Variants in ZNF331 observed in about 807,000 individuals in gnomAD.
ZNF331 encodes C2H2-like zinc finger protein rearranged in thyroid adenomas.
Under a neutral mutation model 7.0 loss-of-function variants are expected in ZNF331, and 2 were observed. The ratio of observed to expected loss-of-function variants is 0.29; its 90% CI spans 0.12 to 0.90. ZNF331 has a LOEUF of 0.90. ZNF331 is among the 40% of genes least tolerant of loss of function. The pLI, the probability that ZNF331 is intolerant of heterozygous loss-of-function variation, is 0.58. For missense variants in ZNF331, 432 were observed against 587.7 expected, an observed-to-expected ratio of 0.74 and a Z score of 2.74; for synonymous variants, 196 against 205.4, an observed-to-expected ratio of 0.95 and a Z score of 0.39.
At chr19:53,548,374 G>A (rs1205809627) in intron 2 of ZNF331, among the ~76,000 whole-genome samples, 2 of 152,066 alleles carry the variant, frequency 1.3e-5, no homozygotes, top group Non-Finnish European at 2.9e-5. Flanking sequence ...GCCTCCCAAA[G>A]TGCTGGGATT....
chr19:53,549,709 AT>A lies in ZNF331; in HGVS notation c.-137-6127del, dbSNP rs1312531314. On this transcript the variant is annotated intron_variant, in intron 2 of 5. Coordinates refer to ENST00000449416, the MANE Select transcript of ZNF331 (RefSeq NM_001079906.2). The stretch of plus-strand genomic sequence containing the variant: ...ACTCTGTCTCAAAAAAAAAAAAAAA[AT>A]TTTTTTTTAAAAATCTTTTCATATT... 1.8e-3 allele frequency among the ~76,000 whole-genome samples: 200 copies of A among 112,886 alleles called. 2 individuals are homozygous for A. The highest frequency in any genetic ancestry group is 6.8e-3 in the African/African-American group (186 of 27,426). The allele number at this position is 112,886 out of a possible 152,430, so 74.1% of individuals were successfully genotyped here.
At chr19:53,534,888 A>G (rs1307998867), upstream of ZNF331, among the ~76,000 whole-genome samples, 3 of 152,050 alleles carry the variant, frequency 2.0e-5, no homozygotes, top group African/African-American at 4.8e-5. Context: ...CTGTCCATCA[A>G]ACTTTCCTGA....
chr19:53,548,265 G>A lies in ZNF331; in HGVS notation c.-137-7580G>A, dbSNP rs567858913. On this transcript the variant is annotated intron_variant, in intron 2 of 5. Transcript: ENST00000449416. The stretch of plus-strand genomic sequence containing the variant: ...TGGGATTACAGGCGCGTGCCACCAC[G>A]CCCGGCTAATTTTTTTTTTGTATTT... 1.3e-3 allele frequency among the ~76,000 whole-genome samples: 204 copies of A among 152,008 alleles called. 1 individual carries two copies. The highest frequency in any genetic ancestry group is 0.01 in the Middle Eastern group (3 of 294).
Position 53,577,292 on chromosome 19 carries a change from A to G in ZNF331, c.732A>G (p.Glu244=), listed in dbSNP as rs762824628. 2 of 1,614,084 alleles carry G rather than the reference A, an allele frequency of 1.2e-6. No homozygotes were observed. Among genetic ancestry groups the G allele is most frequent in the Non-Finnish European group, 1.7e-6 (2 of 1,180,004 alleles). The stretch of plus-strand genomic sequence containing the variant: ...TCCACACTGGGGAGAAAGACTACGA[A>G]TGCAAAGACTGTGGGAAGACCTTTA... ...QRFHTGEKDY[E]CKDCGKTFSR... The change falls in exon 6 of 6, where the codon GAA becomes GAG. Residue 244 remains glutamate, a synonymous_variant. Coordinates refer to ENST00000449416, the MANE Select transcript of ZNF331 (RefSeq NM_001079906.2).
intron 2 of ZNF331, among the ~76,000 whole-genome samples, chr19:53,540,223 C>G (rs1039078639): frequency 6.6e-6 from 1 of 152,132 alleles, no homozygotes; most frequent in African/African-American, 2.4e-5. Flanking sequence ...AGACCGGTGG[C>G]TGAAACCACA....
chr19:53,550,455 CT>C (rs1333161588), intron 2 of ZNF331, among the ~76,000 whole-genome samples: 1 of 150,062 alleles, frequency 6.7e-6, no homozygotes, highest in Admixed American at 6.6e-5. Flanking sequence ...ATCATCTTGA[CT>C]GATGGACTAA....
the ZNF331 span, among the ~76,000 whole-genome samples, chr19:53,506,128 G>C: frequency 1.3e-5 from 2 of 151,202 alleles, no homozygotes. Context: ...GAGGTCAGGA[G>C]ATCGAGACCA....
intron 2 of ZNF331, among the ~76,000 whole-genome samples, chr19:53,554,187 C>G (rs1360830466): frequency 6.6e-6 from 1 of 152,132 alleles, no homozygotes; most frequent in Non-Finnish European, 1.5e-5. Flanking sequence ...GTAGGGGGAC[C>G]GCCGAGTGCG....
chr19:53,565,905 A>C (rs182489761), intron 3 of ZNF331, among the ~76,000 whole-genome samples: 55 of 152,254 alleles, frequency 3.6e-4, no homozygotes, highest in Middle Eastern at 6.8e-3. Context: ...ATTTCAAATC[A>C]GTACACATTT....
chr19:53,520,580 G>C (rs1217229158), upstream of ZNF331, among the ~76,000 whole-genome samples: 2 of 152,194 alleles, frequency 1.3e-5, no homozygotes, highest in Admixed American at 1.3e-4. Context: ...GAAGTCTATG[G>C]GGGGTGCAGC....
At chr19:53,509,241 G>T in the ZNF331 span, among the ~76,000 whole-genome samples, 2 of 152,074 alleles carry the variant, frequency 1.3e-5, no homozygotes, top group Non-Finnish European at 2.9e-5. Context: ...TGTGAGCTGC[G>T]TCTCCTCCTC....
At chr19:53,548,399 C>T (rs1349244555) in intron 2 of ZNF331, among the ~76,000 whole-genome samples, 16 of 152,234 alleles carry the variant, frequency 1.1e-4, no homozygotes, top group African/African-American at 2.4e-4. Flanking sequence ...GTGTGAGCCA[C>T]GGTGCCCGGC....
At chr19:53,566,835 TTC>T (rs1001534319) in intron 3 of ZNF331, among the ~76,000 whole-genome samples, 44 of 152,104 alleles carry the variant, frequency 2.9e-4, no homozygotes, top group Admixed American at 3.3e-4. Flanking sequence ...TTCTTTCTGT[TTC>T]TCTGTTTTTA....
chr19:53,506,567 C>T, the ZNF331 span, among the ~76,000 whole-genome samples: 3 of 151,336 alleles, frequency 2.0e-5, no homozygotes, highest in Non-Finnish European at 2.9e-5. Flanking sequence ...ACTGGCCCTT[C>T]GCAGTCCCTT....
In ZNF331 at chr19:53,557,878, C is replaced by T. The variant is rs200993808; in HGVS notation, c.-74+1970C>T. ...ACTCAGGAGGCTGAGGCAGGAGAATCGCTTGAACCTGGGAGGCTGTGAACC... is the reference window on the plus strand; with the variant it reads ...ACTCAGGAGGCTGAGGCAGGAGAATTGCTTGAACCTGGGAGGCTGTGAACC... On this transcript the variant is annotated intron_variant, in intron 3 of 5. Coordinates refer to ENST00000449416, the MANE Select transcript of ZNF331 (RefSeq NM_001079906.2). 4.6e-5 allele frequency among the ~76,000 whole-genome samples: 7 copies of T among 152,254 alleles called. No individual in the cohort carries two copies. In the East Asian group the frequency reaches 7.7e-4, roughly 17 times the overall value.
chr19:53,554,004 G>GC (rs546759717), intron 2 of ZNF331, among the ~76,000 whole-genome samples: 6 of 152,206 alleles, frequency 3.9e-5, no homozygotes, highest in Non-Finnish European at 7.4e-5. Flanking sequence ...TTTCCCAGAG[G>GC]CCCCCCAGGA....
At chr19:53,523,874 C>T (rs930098359) in intron 2 of ZNF331, among the ~76,000 whole-genome samples, 3 of 151,904 alleles carry the variant, frequency 2.0e-5, no homozygotes, top group Non-Finnish European at 4.4e-5. Flanking sequence ...ATCAACTCGT[C>T]ATTTGCATTA....
chr19:53,546,071 G>C (rs1009150619), intron 2 of ZNF331, among the ~76,000 whole-genome samples: 2 of 143,546 alleles, frequency 1.4e-5, no homozygotes, highest in Non-Finnish European at 3.0e-5. Flanking sequence ...CTGTGCTCCA[G>C]AAAGACCCTA....
At chr19:53,568,113 G>GT (rs755218487) in intron 3 of ZNF331, among the ~76,000 whole-genome samples, 1 of 151,990 alleles carries the variant, frequency 6.6e-6, no homozygotes, top group Non-Finnish European at 1.5e-5. Flanking sequence ...GCTGGACATG[G>GT]TGGCATGTGC....
Sources: gnomAD v4.1 joint callset for allele counts (sites outside exome capture counted in the v4.1 genomes callset) on GRCh38, gnomAD v4.1.1 for gene constraint, MANE v1.5 for transcripts, NCBI Gene and HGNC (gene_info 2026-07-23, HGNC 2026-07-21) for gene names.